The following CFAP36 variants were observed in gnomAD, a reference collection of about 807,000 sequenced individuals.
The protein encoded by CFAP36 is cilia and flagella associated protein 36.
Under a neutral mutation model 50.5 loss-of-function variants are expected in CFAP36, and 37 were observed. That is an observed-to-expected ratio of 0.73 (90% CI 0.56 to 0.96). The LOEUF (loss-of-function observed/expected upper bound fraction) is 0.96. CFAP36 is among the 50% of genes least tolerant of loss of function. The pLI is 0.00. For synonymous variants in CFAP36, 138 were observed against 128.2 expected (o/e 1.08, Z -0.52); for missense variants, 407 against 396.2 (o/e 1.03, Z -0.23).
intron 5 of CFAP36, among the ~76,000 whole-genome samples, chr2:55,535,333 G>T (rs190937906): frequency 6.6e-4 from 100 of 152,252 alleles, no homozygotes; most frequent in African/African-American, 2.0e-3. Context: ...ATCAAGAGGG[G>T]TATAATGGCT....
intron 2 of CFAP36, among the ~76,000 whole-genome samples, chr2:55,522,793 A>AT (rs1213453092): frequency 6.6e-6 from 1 of 152,068 alleles, no homozygotes; most frequent in Admixed American, 6.6e-5. Flanking sequence ...CTGTCTTGTG[A>AT]TTTTAAAAAA....
At chr2:55,526,551 C>T (rs950813964) in intron 3 of CFAP36, among the ~76,000 whole-genome samples, 1 of 152,198 alleles carries the variant, frequency 6.6e-6, no homozygotes, top group African/African-American at 2.4e-5. Context: ...AAGTGAATCT[C>T]CTGCCTCAGC....
chr2:55,523,657 A>C, intron 2 of CFAP36, 64 bp from the exon 3 acceptor site: 1 of 1,027,098 alleles, frequency 9.7e-7, no homozygotes, highest in South Asian at 1.7e-5. Context: ...CTAAATACTT[A>C]ATATGCAAAC....
chr2:55,530,323 T>A (rs1684323257), intron 4 of CFAP36, among the ~76,000 whole-genome samples: 1 of 152,224 alleles, frequency 6.6e-6, no homozygotes, highest in Non-Finnish European at 1.5e-5. Context: ...GTAAGTCCGA[T>A]TAAACCTCTT....
chr2:55,544,833 T>G, intron 9 of CFAP36, 74 bp from the exon 10 acceptor site: 1 of 942,026 alleles, frequency 1.1e-6, no homozygotes, highest in South Asian at 1.7e-5. Context: ...TTTGTTCATT[T>G]GAGGCAGTAT....
rs142096038 is a variant in CFAP36 at position 55,544,894 on chromosome 2, C to CTT, written c.928-5_928-4dup. On this transcript the variant is annotated splice_polypyrimidine_tract_variant and intron_variant, in intron 9 of 9. Transcript: ENST00000349456. ...TATTTCATACTGTAGCCAATTTTTT[C>CTT]TTTTTTTTTCAGGAAATGACAGAGA... 14 of 1,515,754 alleles carry CTT rather than the reference C, an allele frequency of 9.2e-6. No homozygotes were observed. In the African/African-American group the frequency reaches 1.1e-4, roughly 12 times the overall value. The allele number at this position is 1,515,754 out of a possible 1,614,324, so 93.9% of individuals were successfully genotyped here.
chr2:55,535,683 T>C, intron 5 of CFAP36, 29 bp from the exon 6 acceptor site: 2 of 1,481,442 alleles, frequency 1.4e-6, no homozygotes, highest in Non-Finnish European at 1.8e-6. Flanking sequence ...AGGAAATTTA[T>C]CTTTTTATCT....
At chr2:55,529,706 G>A (rs1174300715) in intron 4 of CFAP36, among the ~76,000 whole-genome samples, 1 of 150,200 alleles carries the variant, frequency 6.7e-6, no homozygotes, top group Non-Finnish European at 1.5e-5. Context: ...GAGTGCAGTG[G>A]CATGATCTCG....
chr2:55,522,081 A>C, intron 1 of CFAP36, 21 bp from the exon 2 acceptor site: 1 of 1,255,048 alleles, frequency 8.0e-7, no homozygotes, highest in East Asian at 2.4e-5. Context: ...TACACTATGT[A>C]ATATTTTCTT....
In CFAP36 at chr2:55,537,569, T is replaced by G. The variant is rs370417481; in HGVS notation, c.624T>G (p.Phe208Leu). Reference sequence around the variant, plus strand: ...ATTCCCAAGGGGATGGTGAACATTTTGCACACCCACCCTCAGGTAAGGTTG... The same window carrying G: ...ATTCCCAAGGGGATGGTGAACATTTGGCACACCCACCCTCAGGTAAGGTTG... ...MNNSQGDGEHFAHPPSEVKMH... is the reference protein window; with the variant it reads ...MNNSQGDGEHLAHPPSEVKMH... Residue 208 changes from phenylalanine (F) to leucine (L), a missense_variant, in exon 7 of 10, where the codon TTT (phenylalanine) becomes TTG (leucine). Coordinates refer to ENST00000349456, the MANE Select transcript of CFAP36 (RefSeq NM_080667.7). The G allele has an allele frequency of 2.5e-6, 4 of 1,612,548 alleles. No homozygotes were observed. The African/African-American group carries it at 5.3e-5, about 22-fold the overall frequency.
intron 1 of CFAP36, 37 bp downstream of exon 1, chr2:55,519,953 C>A: frequency 2.5e-6 from 4 of 1,587,692 alleles, no homozygotes; most frequent in Non-Finnish European, 3.5e-6. Context: ...TCCTTTTCTC[C>A]TCTCTCACAC....
intron 7 of CFAP36, 21 bp downstream of exon 7, chr2:55,537,606 A>G: frequency 6.8e-7 from 1 of 1,472,738 alleles, no homozygotes; most frequent in South Asian, 1.2e-5. Context: ...GGTGTACTGA[A>G]CTTTCTCTAA....
At chr2:55,536,360 T>G (rs539566970) in intron 6 of CFAP36, among the ~76,000 whole-genome samples, 1 of 152,170 alleles carries the variant, frequency 6.6e-6, no homozygotes, top group South Asian at 2.1e-4. Context: ...CTTAAACTCC[T>G]GACCTCGTGA....
chr2:55,521,201 CTTTTTTT>C (rs11315249), intron 1 of CFAP36, among the ~76,000 whole-genome samples: 2 of 134,178 alleles, frequency 1.5e-5, no homozygotes, highest in Non-Finnish European at 3.2e-5. Context: ...ATTTGTACTC[CTTTTTTT>C]TTTTTTTTTT....
chr2:55,539,789 T>A (rs1373395214), intron 7 of CFAP36, among the ~76,000 whole-genome samples: 1 of 152,216 alleles, frequency 6.6e-6, no homozygotes, highest in Non-Finnish European at 1.5e-5. Context: ...GTGTTGTCAG[T>A]GTTCTGGATT....
intron 4 of CFAP36, among the ~76,000 whole-genome samples, chr2:55,533,638 T>C (rs1270381812): frequency 6.7e-6 from 1 of 150,062 alleles, no homozygotes. Context: ...GAGGTTGCAG[T>C]GAGCCCAGAT....
At chr2:55,532,940 C>A (rs1031880460) in intron 4 of CFAP36, among the ~76,000 whole-genome samples, 17 of 152,176 alleles carry the variant, frequency 1.1e-4, no homozygotes, top group African/African-American at 3.9e-4. Flanking sequence ...TTTTTATTTT[C>A]TTGGGCTCAA....
intron 4 of CFAP36, among the ~76,000 whole-genome samples, chr2:55,529,430 A>T (rs374244990): frequency 7.2e-5 from 11 of 151,976 alleles, no homozygotes; most frequent in African/African-American, 2.2e-4. Flanking sequence ...TCAAAAAAAA[A>T]AAAAGAGTAT....
chr2:55,528,373 T>C (rs1684264232), intron 3 of CFAP36, among the ~76,000 whole-genome samples: 1 of 151,668 alleles, frequency 6.6e-6, no homozygotes, highest in Non-Finnish European at 1.5e-5. Context: ...ATAATTTGCA[T>C]ATCACAATAC....
Sources: allele counts gnomAD v4.1 joint callset (sites outside exome capture counted in the v4.1 genomes callset), GRCh38; gene constraint gnomAD v4.1.1; transcripts MANE v1.5; gene names NCBI Gene and HGNC (gene_info 2026-07-23, HGNC 2026-07-21).